The following PALLD variants were observed in gnomAD, a reference collection of about 807,000 sequenced individuals.
The protein encoded by PALLD is palladin, cytoskeletal associated protein.
In PALLD, 61 loss-of-function variants were observed where a neutral mutation model predicts 123.5. The observed-to-expected ratio is 0.49, with a 90% CI of 0.40 to 0.61. The LOEUF (loss-of-function observed/expected upper bound fraction) is 0.61. Among genes scored for constraint, PALLD ranks in the 20% least tolerant of loss-of-function variants. The pLI is 0.00. For synonymous variants in PALLD, 465 were observed against 496.4 expected (o/e 0.94, Z 0.84); for missense variants, 1,273 against 1,377.0 (o/e 0.92, Z 1.20).
intron 2 of PALLD, among the ~76,000 whole-genome samples, chr4:168,659,807 C>G (rs1366969409): frequency 6.6e-6 from 1 of 152,216 alleles, no homozygotes; most frequent in Non-Finnish European, 1.5e-5. Flanking sequence ...TTTCATGATA[C>G]GTAGTTGTGG....
chr4:168,683,519 G>A lies in PALLD; in HGVS notation c.1260+416G>A, dbSNP rs148903798. ...CCACTCCTAAAAGCTAAACAAATAA[G>A]AAAAAACAACTCAAATTCCTTGACT... On this transcript the variant is annotated intron_variant, in intron 5 of 21. Transcript: ENST00000505667. Among the ~76,000 whole-genome samples the A allele has an allele frequency of 7.6e-4, 116 of 152,152 alleles. No homozygotes were observed. In the East Asian group the frequency reaches 0.018, roughly 23 times the overall value.
intron 2 of PALLD, among the ~76,000 whole-genome samples, chr4:168,540,459 G>A (rs1179693855): frequency 6.6e-6 from 1 of 152,020 alleles, no homozygotes; most frequent in African/African-American, 2.4e-5. Context: ...TAGGGTTCAT[G>A]CTAATTATGT....
rs375603196 is a variant in PALLD, at chr4:168,766,633, G to A, written c.1964+54710G>A. On this transcript the variant is annotated intron_variant, in intron 10 of 21. Transcript: ENST00000505667. Reference sequence around the variant, plus strand: ...TAGTGGCTGCAAGACAGCATAATGCGGGGGAAAGAGTATAGGATTGGGAGG... The same window carrying A: ...TAGTGGCTGCAAGACAGCATAATGCAGGGGAAAGAGTATAGGATTGGGAGG... Among the ~76,000 whole-genome samples the A allele has an allele frequency of 1.1e-4, 16 of 152,318 alleles. No individual in the cohort carries two copies. The East Asian group carries it at 1.2e-3, about 11-fold the overall frequency.
intron 10 of PALLD, among the ~76,000 whole-genome samples, chr4:168,842,132 C>G (rs1746126398): frequency 6.6e-6 from 1 of 152,088 alleles, no homozygotes; most frequent in Non-Finnish European, 1.5e-5. Flanking sequence ...TTTCTTCTGC[C>G]CTTGAGGTAA....
intron 10 of PALLD, among the ~76,000 whole-genome samples, chr4:168,749,907 T>C (rs1333514683): frequency 1.3e-5 from 2 of 151,080 alleles, no homozygotes; most frequent in African/African-American, 4.9e-5. Context: ...CAGCATCTGT[T>C]GTTGTCATTT....
intron 2 of PALLD, among the ~76,000 whole-genome samples, chr4:168,639,798 C>A (rs1427983564): frequency 6.6e-6 from 1 of 152,180 alleles, no homozygotes; most frequent in Non-Finnish European, 1.5e-5. Flanking sequence ...CCCGCCTCGG[C>A]CACCCAAAGT....
At position 168,757,049 on chromosome 4, in the gene PALLD, C is replaced by A. The variant is rs540770379; in HGVS notation, c.1964+45126C>A. 4.6e-5 allele frequency among the ~76,000 whole-genome samples: 7 copies of A among 152,312 alleles called. No homozygotes were observed. The South Asian group carries it at 1.2e-3, about 27-fold the overall frequency. ...AAAACAAATGAGGACCGAGAATAATCTTTTGAATTGGACAAGACGAGGTCC... is the reference window on the plus strand; with the variant it reads ...AAAACAAATGAGGACCGAGAATAATATTTTGAATTGGACAAGACGAGGTCC... On this transcript the variant is annotated intron_variant, in intron 10 of 21. Transcript: ENST00000505667.
In PALLD at chr4:168,714,596, G is replaced by C. The variant is rs60850451; in HGVS notation, c.1964+2673G>C. On this transcript the variant is annotated intron_variant, in intron 10 of 21. Transcript: ENST00000505667. ...GAAAATATGAGATTTTATTTGCCTC[G>C]TGTGGTCAGCAATGAAAAACTATGG... is the stretch of plus-strand genomic sequence containing the variant. 0.029 allele frequency among the ~76,000 whole-genome samples: 4,463 copies of C among 151,944 alleles called. 318 individuals are homozygous for C. In the East Asian group the frequency reaches 0.31, roughly 10 times the overall value.
rs139052336 is a variant in PALLD, at chr4:168,504,174, C to T, written c.-83+6980C>T. Among the ~76,000 whole-genome samples the T allele has an allele frequency of 3.5e-3, 526 of 152,276 alleles. 1 individual carries two copies. The highest frequency in any genetic ancestry group is 0.011 in the African/African-American group (474 of 41,552). ...GCAGTTGTTCCGTTGATTTCATGTT[C>T]AACTTACTATTCCAGGAAAGGGAAG... On this transcript the variant is annotated intron_variant, in intron 1 of 21. Coordinates refer to ENST00000505667, the MANE Select transcript of PALLD (RefSeq NM_001166108.2).
At chr4:168,859,446 T>A (rs1014934593) in intron 10 of PALLD, among the ~76,000 whole-genome samples, 2 of 152,250 alleles carry the variant, frequency 1.3e-5, no homozygotes, top group African/African-American at 4.8e-5. Flanking sequence ...CCAGACATGC[T>A]GACCATGTGT....
At chr4:168,696,759 A>G (rs2150143134) in intron 8 of PALLD, among the ~76,000 whole-genome samples, 1 of 152,330 alleles carries the variant, frequency 6.6e-6, no homozygotes, top group Non-Finnish European at 1.5e-5. Context: ...CAGAAATAAA[A>G]CGAGCAGATG....
intron 2 of PALLD, among the ~76,000 whole-genome samples, chr4:168,639,751 A>AG (rs2149862892): frequency 6.6e-6 from 1 of 152,100 alleles, no homozygotes; most frequent in Non-Finnish European, 1.5e-5. Context: ...TCACCGTGTT[A>AG]GCCAGGATGG....
intron 14 of PALLD, among the ~76,000 whole-genome samples, chr4:168,903,394 G>GCCTTCATAGAAGGCC (rs1756962941): frequency 6.6e-6 from 1 of 151,750 alleles, no homozygotes; most frequent in Admixed American, 6.6e-5. Flanking sequence ...AAGAAAAATG[G>GCCTTCATAGAAGGCC]CCTTCATAGA....
intron 18 of PALLD, among the ~76,000 whole-genome samples, chr4:168,922,292 C>T (rs895225385): frequency 1.3e-5 from 2 of 152,080 alleles, no homozygotes; most frequent in Non-Finnish European, 2.9e-5. Flanking sequence ...AAAAGGAAAA[C>T]ACATTTATGG....
intron 2 of PALLD, among the ~76,000 whole-genome samples, chr4:168,573,854 C>T (rs746934186): frequency 5.9e-5 from 9 of 151,986 alleles, no homozygotes; most frequent in Non-Finnish European, 1.3e-4. Context: ...CTAACATAAT[C>T]TTGATCACTA....
At chr4:168,595,350 T>C (rs1771870574) in intron 2 of PALLD, among the ~76,000 whole-genome samples, 1 of 152,162 alleles carries the variant, frequency 6.6e-6, no homozygotes, top group South Asian at 2.1e-4. Context: ...CACAGTGATC[T>C]ACTGAGATCT....
chr4:168,563,371 T>C (rs538907048), intron 2 of PALLD, among the ~76,000 whole-genome samples: 2 of 152,322 alleles, frequency 1.3e-5, no homozygotes, highest in East Asian at 3.9e-4. Context: ...CTTGAGGTTC[T>C]CTATCATTTA....
intron 2 of PALLD, among the ~76,000 whole-genome samples, chr4:168,530,168 A>G (rs1386662376): frequency 6.6e-6 from 1 of 152,236 alleles, no homozygotes; most frequent in African/African-American, 2.4e-5. Flanking sequence ...ATCCACTGCA[A>G]TTGGTAATAA....
At chr4:168,905,580 A>G (rs1459030284) in intron 15 of PALLD, among the ~76,000 whole-genome samples, 1 of 152,096 alleles carries the variant, frequency 6.6e-6, no homozygotes, top group Non-Finnish European at 1.5e-5. Flanking sequence ...TTATCCAGCT[A>G]ATCAGGTTGT....
Sources: gnomAD v4.1 joint callset for allele counts (sites outside exome capture counted in the v4.1 genomes callset) on GRCh38, gnomAD v4.1.1 for gene constraint, MANE v1.5 for transcripts, NCBI Gene and HGNC (gene_info 2026-07-23, HGNC 2026-07-21) for gene names.